CALB1: variants seen among roughly 807,000 people sequenced by gnomAD.
The protein encoded by CALB1 is calbindin.
Under a neutral mutation model 46.7 loss-of-function variants are expected in CALB1, and 16 were observed. The ratio of observed to expected loss-of-function variants is 0.34; its 90% CI spans 0.23 to 0.52. The LOEUF (loss-of-function observed/expected upper bound fraction) is 0.52. Ranked by LOEUF, CALB1 falls within the 20% of genes least tolerant of loss-of-function variation. CALB1 has a pLI of 0.95. For synonymous variants in CALB1, 90 were observed against 112.8 expected, an observed-to-expected ratio of 0.80 and a Z score of 1.28; for missense variants, 224 against 300.3, an observed-to-expected ratio of 0.75 and a Z score of 1.88.
At chr8:90,068,806 A>G (rs1805907) in intron 5 of CALB1, among the ~76,000 whole-genome samples, 192 bp downstream of exon 5, 7,177 of 152,216 alleles carry the variant, frequency 0.047, 318 homozygotes, top group East Asian at 0.2. Context: ...GCATTACTGT[A>G]CAGAATTTCC....
chr8:90,066,938 A>AG (rs774305570), intron 5 of CALB1, among the ~76,000 whole-genome samples: 11 of 152,096 alleles, frequency 7.2e-5, no homozygotes, highest in Non-Finnish European at 1.5e-4. Context: ...CTCTCTCCTA[A>AG]ATGTTCCAGT....
chr8:90,061,163 A>G (rs1201816402), intron 9 of CALB1: 1 of 153,318 alleles, frequency 6.5e-6, no homozygotes, highest in Non-Finnish European at 1.5e-5. Context: ...TCCTCATTCA[A>G]TCCTGCAAAG....
At chr8:90,070,833 T>C (rs1377496654) in intron 3 of CALB1, among the ~76,000 whole-genome samples, 1 of 133,478 alleles carries the variant, frequency 7.5e-6, no homozygotes, top group African/African-American at 2.9e-5. Context: ...ATTTGCATCA[T>C]TGCAGTGTGT....
chr8:90,081,911 A>G (rs2130256343), intron 2 of CALB1, 115 bp downstream of exon 2: 2 of 832,302 alleles, frequency 2.4e-6, no homozygotes, highest in Non-Finnish European at 1.9e-6. Flanking sequence ...CGCAGTCAAT[A>G]AACGTTTACA....
chr8:90,069,928 A>G (rs1217677287), intron 3 of CALB1, among the ~76,000 whole-genome samples: 1 of 150,780 alleles, frequency 6.6e-6, no homozygotes, highest in Non-Finnish European at 1.5e-5. Context: ...GCATGCCTCT[A>G]TGACATTTTC....
chr8:90,072,229 A>G (rs1288038962), intron 3 of CALB1, among the ~76,000 whole-genome samples: 1 of 152,210 alleles, frequency 6.6e-6, no homozygotes, highest in African/African-American at 2.4e-5. Flanking sequence ...AAAATTAGGG[A>G]AATTGCCATC....
At chr8:90,070,955 T>A (rs139905581) in intron 3 of CALB1, among the ~76,000 whole-genome samples, 1 of 152,104 alleles carries the variant, frequency 6.6e-6, no homozygotes, top group East Asian at 1.9e-4. Flanking sequence ...TTTGAATACT[T>A]GAATCATAAA....
chr8:90,067,773 G>A (rs1371851421), intron 5 of CALB1, among the ~76,000 whole-genome samples: 1 of 152,116 alleles, frequency 6.6e-6, no homozygotes, highest in Non-Finnish European at 1.5e-5. Context: ...GTGGGGTGGG[G>A]AATCATTCTT....
intron 5 of CALB1, among the ~76,000 whole-genome samples, chr8:90,066,439 T>G (rs950431628): frequency 7.9e-5 from 12 of 152,046 alleles, no homozygotes; most frequent in African/African-American, 2.9e-4. Flanking sequence ...ATCCATTTTC[T>G]GCTCCCCAGG....
Position 90,063,477 on chromosome 8 carries a change from C to T in CALB1, c.451-16G>A, listed in dbSNP as rs951744719. 1.9e-6 allele frequency: 3 copies of T among 1,599,690 alleles called. No individual in the cohort carries two copies. Among genetic ancestry groups the T allele is most frequent in the Non-Finnish European group, 2.6e-6 (3 of 1,168,924 alleles). ...ATAGTTTCAGCTGAAAGACAGAATGCCATTATTCTAGCTATTTGAGGAATA... is the reference window on the plus strand; with the variant it reads ...ATAGTTTCAGCTGAAAGACAGAATGTCATTATTCTAGCTATTTGAGGAATA... On this transcript the variant is annotated splice_polypyrimidine_tract_variant and intron_variant, in intron 6 of 10. Coordinates refer to ENST00000265431, the MANE Select transcript of CALB1 (RefSeq NM_004929.4).
intron 9 of CALB1, 26 bp downstream of exon 9, chr8:90,063,070 AAAAG>A (rs754275752): frequency 2.6e-6 from 4 of 1,542,120 alleles, no homozygotes; most frequent in South Asian, 1.2e-5. Flanking sequence ...ACTTCAATAA[AAAAG>A]AAAGGAAAAA....
intron 2 of CALB1, among the ~76,000 whole-genome samples, chr8:90,081,759 T>C (rs983115140): frequency 6.6e-6 from 1 of 152,034 alleles, no homozygotes; most frequent in African/African-American, 2.4e-5. Flanking sequence ...TCTCTCTCTG[T>C]CTGTCTCCCT....
rs199666563 is a variant in CALB1 at position 90,076,391 on chromosome 8, TG to T, written c.231+1981del. On this transcript the variant is annotated intron_variant, in intron 3 of 10. Transcript: ENST00000265431. ...TCTACCATTTATTTCTTACTTTTTC[TG>T]TGACCTTAGGCAAATCCTATTGAAG... Among the ~76,000 whole-genome samples the T allele has an allele frequency of 6.8e-3, 1,037 of 152,194 alleles. 10 individuals carry two copies. The highest frequency in any genetic ancestry group is 0.023 in the African/African-American group (959 of 41,570).
chr8:90,066,312 T>C (rs189717523), intron 5 of CALB1, among the ~76,000 whole-genome samples: 2 of 152,150 alleles, frequency 1.3e-5, no homozygotes, highest in African/African-American at 4.8e-5. Context: ...TTCTTCTTAC[T>C]GATATCTTCA....
intron 2 of CALB1, among the ~76,000 whole-genome samples, chr8:90,081,821 T>G (rs555448169): frequency 6.6e-6 from 1 of 150,770 alleles, no homozygotes; most frequent in East Asian, 2.0e-4. Context: ...TCTCTCTCTC[T>G]CCCCCTCTCT....
At chr8:90,082,593 AAC>A (rs1356199564) in intron 1 of CALB1, 24 bp downstream of exon 1, 4 of 1,599,024 alleles carry the variant, frequency 2.5e-6, no homozygotes, top group Admixed American at 3.3e-5. Flanking sequence ...CGGGTCTTGA[AAC>A]AGTTAAAAAG....
At chr8:90,075,424 C>A (rs558550186) in intron 3 of CALB1, among the ~76,000 whole-genome samples, 17 of 152,178 alleles carry the variant, frequency 1.1e-4, no homozygotes, top group African/African-American at 3.9e-4. Context: ...CCTTTGAACA[C>A]CAAAGTTAAT....
chr8:90,065,891 GT>G lies in CALB1; in HGVS notation c.450+6del. 6.3e-7 allele frequency: 1 copy of G among 1,583,144 alleles called. No homozygotes were observed. The highest frequency in any genetic ancestry group is 1.3e-5 in the African/African-American group (1 of 74,356). ...CTTGGGTACAATCTTTTCAAGATCA[GT>G]CTTACCATTAGGTCTGTATACTCGG... On this transcript the variant is annotated splice_donor_region_variant and intron_variant, in intron 6 of 10. Coordinates refer to ENST00000265431, the MANE Select transcript of CALB1 (RefSeq NM_004929.4).
At chr8:90,063,197 G>T (rs755592762) in intron 8 of CALB1, 44 bp from the exon 9 acceptor site, 1 of 1,520,680 alleles carries the variant, frequency 6.6e-7, no homozygotes, top group Admixed American at 1.7e-5. Flanking sequence ...TTATTACTAT[G>T]TTTCAGTATG....
Sources: allele counts gnomAD v4.1 joint callset (sites outside exome capture counted in the v4.1 genomes callset), GRCh38; gene constraint gnomAD v4.1.1; transcripts MANE v1.5; gene names NCBI Gene and HGNC (gene_info 2026-07-23, HGNC 2026-07-21).